ABCB4: variants seen among roughly 807,000 people sequenced by gnomAD.
ABCB4 encodes the protein ATP binding cassette subfamily B member 4, also known as phosphatidylcholine translocator ABCB4.
Under a neutral mutation model 145.7 loss-of-function variants are expected in ABCB4, and 76 were observed. The ratio of observed to expected loss-of-function variants is 0.52; its 90% confidence interval spans 0.43 to 0.63. ABCB4 has a LOEUF of 0.63. ABCB4 is among the 30% of genes least tolerant of loss of function. ABCB4 has a pLI of 0.00. For missense variants in ABCB4, 1,234 were observed against 1,553.1 expected, an observed-to-expected ratio of 0.79 and a Z score of 3.45; for synonymous variants, 517 against 566.8, an observed-to-expected ratio of 0.91 and a Z score of 1.25.
chr7:87,381,861 T>G, the ABCB4 span: 1 of 1,321,286 alleles, frequency 7.6e-7, no homozygotes, highest in Non-Finnish European at 1.1e-6. Flanking sequence ...TTGGGTCAAG[T>G]TTTAAGTTGA....
chr7:87,473,323 A>G (rs2116991799), intron 2 of ABCB4, among the ~76,000 whole-genome samples: 1 of 152,232 alleles, frequency 6.6e-6, no homozygotes, highest in South Asian at 2.1e-4. Context: ...CTGTTTGCTT[A>G]TTTCCTCTCT....
chr7:87,392,709 A>G, the ABCB4 span: 20 of 1,611,782 alleles, frequency 1.2e-5, no homozygotes, highest in Non-Finnish European at 1.6e-5. Flanking sequence ...TTCTAACCTG[A>G]GATTTGGGGT....
At chr7:87,472,091 C>G (rs4148812) in intron 3 of ABCB4, among the ~76,000 whole-genome samples, 36,486 of 152,134 alleles carry the variant, frequency 0.24, 4,735 homozygotes, top group East Asian at 0.35. Flanking sequence ...TGTCCGGTGT[C>G]ATCGCCAGCC....
intron 9 of ABCB4, 129 bp from the exon 10 acceptor site, chr7:87,445,104 G>A (rs1298855361): frequency 1.3e-5 from 9 of 673,508 alleles, no homozygotes; most frequent in African/African-American, 7.4e-5. Context: ...TTTTTTTTGT[G>A]GAAGAGCAAC....
At chr7:87,455,077 G>T (rs1455141052) in intron 4 of ABCB4, among the ~76,000 whole-genome samples, 1 of 150,562 alleles carries the variant, frequency 6.6e-6, no homozygotes, top group Admixed American at 6.6e-5. Flanking sequence ...TTCTTTACAT[G>T]TCTCATATGA....
chr7:87,406,470 T>C lies in ABCB4; in HGVS notation c.3304A>G (p.Lys1102Glu), dbSNP rs748594961. Residue 1102 changes from lysine to glutamate, a missense_variant, in exon 26 of 28, where the codon AAA becomes GAA. Around this residue, in one of 7 missense-constraint regions of ABCB4, gnomAD observed 301 missense variants for 389.0 expected, o/e 0.77. Transcript: ENST00000649586. ...TVLLDGQEAKKLNVQWLRAQL... is the reference protein window; with the variant it reads ...TVLLDGQEAKELNVQWLRAQL... ...GCTCTGAGCCACTGGACATTGAGTT[T>C]CTTTGCTTCTTGACCATCGAGAAGC... The C allele has an allele frequency of 3.1e-6, 5 of 1,613,920 alleles. No individual in the cohort carries two copies. The highest frequency in any genetic ancestry group is 3.4e-6 in the Non-Finnish European group (4 of 1,180,018).
At chr7:87,398,905 A>G (rs377441864), downstream of ABCB4, 26 of 361,076 alleles carry the variant, frequency 7.2e-5, 1 homozygote, top group East Asian at 6.8e-4. Flanking sequence ...GCAGTATTTA[A>G]GCCTCAACAA....
Position 87,409,310 on chromosome 7 carries a change from A to C in ABCB4, c.3007T>G (p.Ser1003Ala). The C allele has an allele frequency of 6.2e-7, 1 of 1,614,124 alleles. No homozygotes were observed. The highest frequency in any genetic ancestry group is 8.5e-7 in the Non-Finnish European group (1 of 1,179,986). ...AACAGCATGAATAAGTGGGCTGCAG[A>C]CAGCTTAGCTTTAGCATAGTCTGGA... ...FAPDYAKAKL[S>A]AAHLFMLFER... Residue 1003 changes from serine (S) to alanine (A), a missense_variant, in exon 24 of 28, where the codon TCT becomes GCT. By Grantham distance (99) the Ser-to-Ala change is moderately conservative. Coordinates refer to ENST00000649586, the MANE Select transcript of ABCB4 (RefSeq NM_000443.4).
At chr7:87,438,190 C>T (rs1488375068) in intron 14 of ABCB4, among the ~76,000 whole-genome samples, 1 of 152,086 alleles carries the variant, frequency 6.6e-6, no homozygotes, top group Non-Finnish European at 1.5e-5. Context: ...TCTCATTCTA[C>T]CCGACTTTAC....
In ABCB4 at chr7:87,475,407, T is replaced by C; in HGVS notation, c.59A>G (p.Asp20Gly). The change falls in exon 2 of 28, where the codon GAC becomes GGC. Residue 20 changes from aspartate to glycine, a missense_variant. This residue lies in a region of ABCB4 where 77 missense variants were observed against 73.3 expected (regional missense o/e 1.05). Transcript: ENST00000649586. Reference sequence around the variant, plus strand: ...GTACCTGCTGATGCCCAGTTCAAAGTCGCCCTCCGCGCTCGTGGGGCGCCA... The same window carrying C: ...GTACCTGCTGATGCCCAGTTCAAAGCCGCCCTCCGCGCTCGTGGGGCGCCA... Reference protein sequence around the residue: ...TAWRPTSAEGDFELGISSKQK... With the variant: ...TAWRPTSAEGGFELGISSKQK... The C allele has an allele frequency of 1.2e-6, 2 of 1,614,200 alleles. No individual in the cohort carries two copies. Among genetic ancestry groups the C allele is most frequent in the Non-Finnish European group, 1.7e-6 (2 of 1,180,038 alleles).
At chr7:87,377,366 T>C in the ABCB4 span, 3 of 1,605,984 alleles carry the variant, frequency 1.9e-6, no homozygotes, top group African/African-American at 4.0e-5. Context: ...CAGCCATCCT[T>C]ATTGGAGATC....
At chr7:87,454,675 T>C (rs1370699968) in intron 4 of ABCB4, 83 bp from the exon 5 acceptor site, 1 of 1,021,486 alleles carries the variant, frequency 9.8e-7, no homozygotes, top group African/African-American at 1.6e-5. Context: ...CTGTTAATAA[T>C]TTAAATGTAT....
chr7:87,408,144 C>T lies in ABCB4; in HGVS notation c.3172G>A (p.Glu1058Lys), dbSNP rs140387595. Reference protein sequence around the residue: ...NVPVLQGLSLEVKKGQTLALV... With the variant: ...NVPVLQGLSLKVKKGQTLALV... ...GCTAGTGTCTGGCCTTTCTTCACCT[C>T]CAGGCTCAGCCCCTGAAGCACTGGC... The change falls in exon 25 of 28, where the codon GAG (glutamate) becomes AAG (lysine). Residue 1058 changes from glutamate (E) to lysine (K), a missense_variant. Coordinates refer to ENST00000649586, the MANE Select transcript of ABCB4 (RefSeq NM_000443.4). 143 of 1,614,234 alleles carry T rather than the reference C, an allele frequency of 8.9e-5. No homozygotes were observed. In the African/African-American group the frequency reaches 1.8e-3, roughly 20 times the overall value.
intron 4 of ABCB4, among the ~76,000 whole-genome samples, chr7:87,457,939 T>C (rs1004613480): frequency 1.3e-5 from 2 of 152,192 alleles, no homozygotes; most frequent in African/African-American, 4.8e-5. Context: ...CTCAAGCATC[T>C]CTCCTTTCTT....
chr7:87,451,488 AAC>A (rs1337020521), intron 7 of ABCB4, 133 bp downstream of exon 7: 5 of 917,280 alleles, frequency 5.5e-6, no homozygotes, highest in Non-Finnish European at 8.5e-6. Context: ...GCATCATATT[AAC>A]ACCATGTTAC....
the ABCB4 span, among the ~76,000 whole-genome samples, chr7:87,396,650 G>A: frequency 6.6e-6 from 1 of 150,514 alleles, no homozygotes; most frequent in Non-Finnish European, 1.5e-5. Flanking sequence ...TCTACCCCAA[G>A]ACTAGACCAC....
chr7:87,383,488 T>G, the ABCB4 span, among the ~76,000 whole-genome samples: 1 of 138,876 alleles, frequency 7.2e-6, no homozygotes, highest in Non-Finnish European at 1.5e-5. Context: ...CCATTGTGTA[T>G]GTATATCACT....
chr7:87,375,415 A>G, the ABCB4 span: 4 of 468,848 alleles, frequency 8.5e-6, no homozygotes, highest in African/African-American at 2.0e-5. Context: ...AAATTTATTT[A>G]CTGAAATTAA....
chr7:87,370,663 TTAG>T, the ABCB4 span, among the ~76,000 whole-genome samples: 2 of 152,184 alleles, frequency 1.3e-5, no homozygotes, highest in Non-Finnish European at 2.9e-5. Flanking sequence ...AGGTCAAAAA[TTAG>T]AACATTTCTA....
Sources: allele counts gnomAD v4.1 joint callset (sites outside exome capture counted in the v4.1 genomes callset), GRCh38; gene constraint gnomAD v4.1.1; regional missense constraint gnomAD v4.1.1; transcripts MANE v1.5; gene names NCBI Gene and HGNC (gene_info 2026-07-23, HGNC 2026-07-21).